Variants in SNX29 observed in about 807,000 individuals in gnomAD.
The protein encoded by SNX29 is sorting nexin-29.
In SNX29, 78 loss-of-function variants were observed where a neutral mutation model predicts 102.1. That is an observed-to-expected ratio of 0.76 (90% CI 0.64 to 0.92). SNX29 has a LOEUF of 0.92. SNX29 is among the 40% of genes least tolerant of loss of function. SNX29 has a pLI of 0.00. For synonymous variants in SNX29, 580 were observed against 414.5 expected, an observed-to-expected ratio of 1.40 and a Z score of -4.85; for missense variants, 1,280 against 1,061.7, an observed-to-expected ratio of 1.21 and a Z score of -2.86.
intron 15 of SNX29, among the ~76,000 whole-genome samples, chr16:12,286,926 C>G (rs1168117026): frequency 6.6e-6 from 1 of 152,118 alleles, no homozygotes; most frequent in African/African-American, 2.4e-5. Flanking sequence ...ATACCATAGT[C>G]ATACTTTAAA....
Position 12,571,452 on chromosome 16 carries a change from C to T in SNX29, c.*2823C>T, listed in dbSNP as rs902832741. 4.1e-6 allele frequency: 1 copy of T among 241,024 alleles called. No homozygotes were observed. Among genetic ancestry groups the T allele is most frequent in the African/African-American group, 2.2e-5 (1 of 45,498 alleles). The allele number at this position is 241,024 out of a possible 1,614,324, so 14.9% of individuals were successfully genotyped here. Reference sequence around the variant, plus strand: ...TTACTCGGAGATTTTCAAACAACATCTGAGAACAGAAGCCCCCTCCCCTAC... The same window carrying T: ...TTACTCGGAGATTTTCAAACAACATTTGAGAACAGAAGCCCCCTCCCCTAC... On this transcript the variant is annotated 3_prime_UTR_variant, in exon 21 of 21. Transcript: ENST00000566228.
intron 18 of SNX29, among the ~76,000 whole-genome samples, chr16:12,469,614 G>T (rs1567596116): frequency 6.6e-6 from 1 of 152,160 alleles, no homozygotes; most frequent in Non-Finnish European, 1.5e-5. Context: ...AGGCTTTAGG[G>T]GCAGCATTCA....
intron 18 of SNX29, among the ~76,000 whole-genome samples, chr16:12,426,835 T>G (rs973442637): frequency 1.3e-5 from 2 of 152,082 alleles, no homozygotes; most frequent in Non-Finnish European, 2.9e-5. Context: ...CCAGCTAATT[T>G]TTGTATTTTT....
At chr16:12,480,067 A>G (rs1337095145) in intron 19 of SNX29, among the ~76,000 whole-genome samples, 2 of 152,230 alleles carry the variant, frequency 1.3e-5, no homozygotes, top group African/African-American at 4.8e-5. Flanking sequence ...TTCCTAGGGC[A>G]TACAGTACTG....
At chr16:12,318,267 G>C (rs535295336) in intron 15 of SNX29, among the ~76,000 whole-genome samples, 1 of 152,342 alleles carries the variant, frequency 6.6e-6, no homozygotes, top group South Asian at 2.1e-4. Flanking sequence ...TTGTTGAACC[G>C]TAAGCAGCAG....
chr16:12,560,168 C>CTT, intron 20 of SNX29, among the ~76,000 whole-genome samples: 1 of 140,992 alleles, frequency 7.1e-6, no homozygotes, highest in South Asian at 2.3e-4. Flanking sequence ...GCCTTTCTCA[C>CTT]TTTTTTTTAA....
intron 13 of SNX29, among the ~76,000 whole-genome samples, chr16:12,181,180 C>T: frequency 6.6e-6 from 1 of 152,250 alleles, no homozygotes; most frequent in East Asian, 1.9e-4. Context: ...TTTTATGAAC[C>T]CCGAATATCT....
chr16:12,568,780 TTAAAC>T lies in SNX29; in HGVS notation c.*155_*159del, dbSNP rs1401245056. 3 of 1,226,644 alleles carry T rather than the reference TTAAAC, an allele frequency of 2.4e-6. No individual in the cohort carries two copies. Among genetic ancestry groups the T allele is most frequent in the East Asian group, 2.6e-5 (1 of 38,982 alleles). 76.0% of individuals were successfully genotyped at this position (1,226,644 alleles called of 1,614,324 possible). On this transcript the variant is annotated 3_prime_UTR_variant, in exon 21 of 21. Transcript: ENST00000566228. ...TCCCAACAGTTACACAACACCCCGA[TTAAAC>T]TAATCAGTCTTCGAGCCGCATGATA...
At chr16:12,271,993 T>G (rs2079104879) in intron 14 of SNX29, among the ~76,000 whole-genome samples, 1 of 152,186 alleles carries the variant, frequency 6.6e-6, no homozygotes, top group African/African-American at 2.4e-5. Context: ...TTGTATTATT[T>G]CATACATGGA....
chr16:12,537,824 A>G (rs916018901), intron 20 of SNX29, among the ~76,000 whole-genome samples: 6 of 152,120 alleles, frequency 3.9e-5, no homozygotes, highest in East Asian at 1.9e-4. Context: ...TCCACAGCAT[A>G]TAAGAAGTTG....
chr16:12,321,224 C>T (rs909931685), intron 15 of SNX29, among the ~76,000 whole-genome samples: 1 of 152,134 alleles, frequency 6.6e-6, no homozygotes, highest in Non-Finnish European at 1.5e-5. Flanking sequence ...CCTCATAGTC[C>T]CCCTTAGTTC....
At chr16:12,344,096 G>C (rs1302308863) in intron 15 of SNX29, among the ~76,000 whole-genome samples, 1 of 152,072 alleles carries the variant, frequency 6.6e-6, no homozygotes, top group East Asian at 1.9e-4. Flanking sequence ...TCACTCTCTT[G>C]TCTGCCGCCA....
At chr16:12,216,320 C>A (rs1189272920) in intron 14 of SNX29, among the ~76,000 whole-genome samples, 1 of 152,120 alleles carries the variant, frequency 6.6e-6, no homozygotes, top group East Asian at 1.9e-4. Context: ...GCTTTGTGAC[C>A]CCTCCCCTGA....
intron 11 of SNX29, chr16:12,081,100 C>T (rs751299257): frequency 7.9e-5 from 12 of 152,300 alleles, no homozygotes; most frequent in African/African-American, 2.6e-4. Flanking sequence ...ACCAGCAGGT[C>T]GCTGTAAAAT....
intron 19 of SNX29, among the ~76,000 whole-genome samples, chr16:12,491,536 TTTA>T (rs2088547039): frequency 6.6e-6 from 1 of 152,198 alleles, no homozygotes; most frequent in South Asian, 2.1e-4. Context: ...CTTATTTTTT[TTTA>T]TTATTATACT....
At chr16:12,092,512 A>C (rs1282063065) in intron 11 of SNX29, among the ~76,000 whole-genome samples, 1 of 152,168 alleles carries the variant, frequency 6.6e-6, no homozygotes, top group Non-Finnish European at 1.5e-5. Flanking sequence ...CTCTTGTGTC[A>C]GGGAGATGCA....
At chr16:12,231,799 T>G (rs1386328317) in intron 14 of SNX29, among the ~76,000 whole-genome samples, 7 of 152,208 alleles carry the variant, frequency 4.6e-5, no homozygotes, top group Admixed American at 3.9e-4. Context: ...TCATAACTGT[T>G]GCCATTGGAA....
intron 18 of SNX29, among the ~76,000 whole-genome samples, chr16:12,446,201 G>A (rs1295747716): frequency 2.0e-5 from 3 of 151,918 alleles, no homozygotes; most frequent in African/African-American, 7.3e-5. Context: ...GACTAGAGTC[G>A]TGCACCACCA....
At chr16:12,259,747 A>G (rs746432683) in intron 14 of SNX29, among the ~76,000 whole-genome samples, 1 of 152,186 alleles carries the variant, frequency 6.6e-6, no homozygotes, top group Non-Finnish European at 1.5e-5. Flanking sequence ...GATCCACGGA[A>G]TTCGTTTCTG....
Sources: gnomAD v4.1 joint callset for allele counts (sites outside exome capture counted in the v4.1 genomes callset) on GRCh38, gnomAD v4.1.1 for gene constraint, MANE v1.5 for transcripts, NCBI Gene and HGNC (gene_info 2026-07-23, HGNC 2026-07-21) for gene names.